Variants in COBLL1 observed in about 807,000 individuals in gnomAD.
COBLL1 encodes the protein cordon-bleu WH2 repeat protein like 1.
A neutral mutation model predicts 94.8 loss-of-function variants in COBLL1; 50 were observed. The ratio of observed to expected loss-of-function variants is 0.53; its 90% CI spans 0.42 to 0.67. The LOEUF (loss-of-function observed/expected upper bound fraction) is 0.67, where lower values mean the gene tolerates loss of function less well. Among genes scored for constraint, COBLL1 ranks in the 30% least tolerant of loss-of-function variants. The pLI, the probability that COBLL1 is intolerant of heterozygous loss-of-function variation, is 0.00. For missense variants in COBLL1, 1,362 were observed against 1,348.7 expected, an observed-to-expected ratio of 1.01 and a Z score of -0.15; for synonymous variants, 448 against 473.8, an observed-to-expected ratio of 0.95 and a Z score of 0.71.
intron 2 of COBLL1, among the ~76,000 whole-genome samples, chr2:164,786,895 A>G (rs1411762648): frequency 6.6e-6 from 1 of 152,116 alleles, no homozygotes; most frequent in South Asian, 2.1e-4. Context: ...TGATTATGCC[A>G]TCTCCATCAC....
Position 164,700,649 on chromosome 2 carries a change from G to T in COBLL1, c.1333C>A (p.Pro445Thr). The T allele has an allele frequency of 6.2e-7, 1 of 1,612,730 alleles. No homozygotes were observed. The highest frequency in any genetic ancestry group is 1.3e-5 in the African/African-American group (1 of 74,986). The change falls in exon 10 of 14, where the codon CCT (proline) becomes ACT (threonine). Residue 445 changes from proline (P) to threonine (T), a missense_variant. Coordinates refer to ENST00000652658, the MANE Select transcript of COBLL1 (RefSeq NM_001365672.2). ...ENISPKSQDI[P>T]FVSTDIINTL... The stretch of plus-strand genomic sequence containing the variant: ...TTTATTATATCAGTAGATACAAAAG[G>T]AATATCTTGTGACTTCGGAGAAATA...
At chr2:164,730,137 T>C (rs1437165043) in intron 3 of COBLL1, 22 bp from the exon 4 acceptor site, 24 of 1,578,258 alleles carry the variant, frequency 1.5e-5, no homozygotes, top group Non-Finnish European at 2.0e-5. Flanking sequence ...GAGTATTTCA[T>C]TACCCGTTAT....
At chr2:164,670,211 C>T (rs955290969) in intron 1 of COBLL1, among the ~76,000 whole-genome samples, 3 of 152,056 alleles carry the variant, frequency 2.0e-5, no homozygotes, top group African/African-American at 4.8e-5. Context: ...AAATAACTTG[C>T]AAAGACTGAC....
chr2:164,776,087 C>G (rs967741456), intron 2 of COBLL1, among the ~76,000 whole-genome samples: 1 of 151,096 alleles, frequency 6.6e-6, no homozygotes, highest in African/African-American at 2.4e-5. Flanking sequence ...TCAACAAACC[C>G]CCCCAGTCCA....
rs879707655 is a variant in COBLL1 at position 164,786,876 on chromosome 2, C to CT, written c.42-43002dup. On this transcript the variant is annotated intron_variant, in intron 2 of 13. Coordinates refer to ENST00000652658, the MANE Select transcript of COBLL1 (RefSeq NM_001365672.2). ...TACTTCCTTGCCTTAATGTATCTTG[C>CT]TTTTTTCTTGATTATGCCATCTCCA... Among the ~76,000 whole-genome samples, 273 of 152,216 alleles carry CT rather than the reference C, an allele frequency of 1.8e-3. 5 individuals carry two copies. Among genetic ancestry groups the CT allele is most frequent in the Admixed American group, 0.018 (273 of 15,276 alleles).
chr2:164,672,728 A>ATAT (rs1553466750), intron 1 of COBLL1, among the ~76,000 whole-genome samples: 1 of 132,496 alleles, frequency 7.5e-6, no homozygotes, highest in Non-Finnish European at 1.5e-5. Context: ...AAAAAAAAAA[A>ATAT]ATGACTTTGT....
chr2:164,688,812 C>T (rs1412441121), intron 13 of COBLL1, among the ~76,000 whole-genome samples: 3 of 151,938 alleles, frequency 2.0e-5, no homozygotes, highest in African/African-American at 7.2e-5. Flanking sequence ...TTCTGTTGAA[C>T]CAAAGATAAA....
intron 2 of COBLL1, among the ~76,000 whole-genome samples, chr2:164,822,759 T>G (rs980304003): frequency 3.4e-5 from 5 of 147,230 alleles, no homozygotes; most frequent in African/African-American, 1.2e-4. Context: ...TTATTATTAT[T>G]ATTATTATTA....
intron 2 of COBLL1, among the ~76,000 whole-genome samples, chr2:164,758,639 T>C (rs1272530680): frequency 6.6e-6 from 1 of 152,076 alleles, no homozygotes; most frequent in East Asian, 1.9e-4. Flanking sequence ...AAAAAGGTCA[T>C]AAAAATGTGA....
intron 2 of COBLL1, among the ~76,000 whole-genome samples, chr2:164,788,545 A>G (rs1455098591): frequency 3.9e-5 from 6 of 152,212 alleles, no homozygotes; most frequent in Non-Finnish European, 8.8e-5. Context: ...GAGATACTAT[A>G]GTTTAGGCTG....
In COBLL1 at chr2:164,692,349, T is replaced by A; in HGVS notation, c.3172A>T (p.Thr1058Ser). ...NEQNSQIPTP[T>S]DGPSFTVMRQ... Reference sequence around the variant, plus strand: ...ATAACAGTGAATGATGGGCCATCAGTTGGAGTTGGTATTTGGGAATTCTGT... The same window carrying A: ...ATAACAGTGAATGATGGGCCATCAGATGGAGTTGGTATTTGGGAATTCTGT... The change falls in exon 13 of 14, where the codon ACT (threonine) becomes TCT (serine). Residue 1058 changes from threonine to serine, a missense_variant. By Grantham distance (58) the Thr-to-Ser change is moderately conservative (BLOSUM62 1). Transcript: ENST00000652658. The A allele has an allele frequency of 6.2e-7, 1 of 1,613,264 alleles. No homozygotes were observed. Among genetic ancestry groups the A allele is most frequent in the Non-Finnish European group, 8.5e-7 (1 of 1,179,480 alleles).
chr2:164,801,987 C>G (rs1683832722), intron 2 of COBLL1, among the ~76,000 whole-genome samples: 1 of 152,136 alleles, frequency 6.6e-6, no homozygotes, highest in African/African-American at 2.4e-5. Context: ...AATGTATTTT[C>G]TGATTCTTTG....
chr2:164,797,213 T>C (rs1034661775), intron 2 of COBLL1, among the ~76,000 whole-genome samples: 3 of 152,206 alleles, frequency 2.0e-5, no homozygotes, highest in Admixed American at 1.3e-4. Context: ...ATTACCACAC[T>C]AGGCAATGTT....
At position 164,680,295 on chromosome 2, in the gene COBLL1, C is replaced by T. The variant is rs535197602; in HGVS notation, c.*5651G>A. The T allele has an allele frequency of 6.6e-6, 1 of 152,194 alleles. No homozygotes were observed. Among genetic ancestry groups the T allele is most frequent in the East Asian group, 1.9e-4 (1 of 5,178 alleles). 9.4% of individuals were successfully genotyped at this position (152,194 alleles called of 1,614,324 possible). On this transcript the variant is annotated 3_prime_UTR_variant, in exon 14 of 14. Transcript: ENST00000652658. Reference sequence around the variant, plus strand: ...CCACATACCCACCACCTAGATTTAACAATTGTAACCGTCATAATAATAATG... The same window carrying T: ...CCACATACCCACCACCTAGATTTAATAATTGTAACCGTCATAATAATAATG...
chr2:164,731,953 T>C lies in COBLL1; in HGVS notation c.231-1838A>G, dbSNP rs2105525361. ...TGGGGAAGGATTCACTGTCGGACAC[T>C]GTGTGGTCTTGAAGTCAAACAACAC... On this transcript the variant is annotated intron_variant, in intron 3 of 13. Transcript: ENST00000652658. 2.0e-5 allele frequency among the ~76,000 whole-genome samples: 3 copies of C among 152,298 alleles called. No homozygotes were observed. The Middle Eastern group carries it at 0.01, about 518-fold the overall frequency.
chr2:164,725,167 C>T (rs1685665102), intron 5 of COBLL1, among the ~76,000 whole-genome samples: 1 of 145,178 alleles, frequency 6.9e-6, no homozygotes, highest in Non-Finnish European at 1.5e-5. Flanking sequence ...CCATTACGCT[C>T]TCAGGAACTA....
At position 164,714,154 on chromosome 2, in the gene COBLL1, AACACACACACAC is replaced by A. The variant is rs10563101; in HGVS notation, c.996+7909_996+7920del. ...CCCTTGTCTAGGCACAATAGAAAGAAACACACACACACACACACACACACACATTAAAAAATC... is the reference window on the plus strand; with the variant it reads ...CCCTTGTCTAGGCACAATAGAAAGAAACACACACACACACATTAAAAAATC... On this transcript the variant is annotated intron_variant, in intron 7 of 13. Coordinates refer to ENST00000652658, the MANE Select transcript of COBLL1 (RefSeq NM_001365672.2). Among the ~76,000 whole-genome samples, 8 of 148,478 alleles carry A rather than the reference AACACACACACAC, an allele frequency of 5.4e-5. No homozygotes were observed. The South Asian group carries it at 6.5e-4, about 12-fold the overall frequency.
chr2:164,662,644 T>G (rs1691089709), intron 2 of COBLL1, among the ~76,000 whole-genome samples: 1 of 152,130 alleles, frequency 6.6e-6, no homozygotes, highest in South Asian at 2.1e-4. Flanking sequence ...GGGAGTGGCT[T>G]TCTCATTAAC....
At chr2:164,658,801 A>G (rs1691024002) in intron 2 of COBLL1, among the ~76,000 whole-genome samples, 1 of 152,142 alleles carries the variant, frequency 6.6e-6, no homozygotes, top group Non-Finnish European at 1.5e-5. Context: ...GAGGTTCCCC[A>G]ATCTATTTCT....
Sources: allele counts gnomAD v4.1 joint callset (sites outside exome capture counted in the v4.1 genomes callset), GRCh38; gene constraint gnomAD v4.1.1; transcripts MANE v1.5; gene names NCBI Gene and HGNC (gene_info 2026-07-23, HGNC 2026-07-21).